The following ACOXL variants were observed in gnomAD, a reference collection of about 807,000 sequenced individuals.
ACOXL encodes acyl-coenzyme A oxidase-like protein.
Under a neutral mutation model 71.9 loss-of-function variants are expected in ACOXL, and 70 were observed. The ratio of observed to expected loss-of-function variants is 0.97; its 90% CI spans 0.80 to 1.19. The LOEUF is 1.19. Ranked by LOEUF, ACOXL falls within the 50% of genes most tolerant of loss-of-function variation. The pLI is 0.00. For missense variants in ACOXL, 703 were observed against 736.3 expected, an observed-to-expected ratio of 0.95 and a Z score of 0.52; for synonymous variants, 253 against 281.6, an observed-to-expected ratio of 0.90 and a Z score of 1.02.
At chr2:110,931,448 T>C (rs1184101212) in intron 11 of ACOXL, among the ~76,000 whole-genome samples, 1 of 152,168 alleles carries the variant, frequency 6.6e-6, no homozygotes, top group Non-Finnish European at 1.5e-5. Flanking sequence ...GTCATTGTAT[T>C]ATAGTCACAG....
chr2:110,991,063 A>ATTTAATT (rs2063151793), intron 13 of ACOXL, among the ~76,000 whole-genome samples: 1 of 152,166 alleles, frequency 6.6e-6, no homozygotes, highest in East Asian at 1.9e-4. Flanking sequence ...ATTTGAAAAT[A>ATTTAATT]ATCCGGGCTT....
chr2:110,900,072 A>AAC (rs1207320985), intron 10 of ACOXL, among the ~76,000 whole-genome samples: 24 of 123,188 alleles, frequency 1.9e-4, no homozygotes, highest in African/African-American at 5.8e-4. Context: ...AAAGCTTTTC[A>AAC]ACACACACAC....
intron 14 of ACOXL, among the ~76,000 whole-genome samples, chr2:111,017,026 A>G (rs979639211): frequency 6.6e-6 from 1 of 152,218 alleles, no homozygotes; most frequent in African/African-American, 2.4e-5. Flanking sequence ...CTCTGGTCTC[A>G]TGACTGAAGA....
intron 12 of ACOXL, among the ~76,000 whole-genome samples, chr2:110,979,025 C>T (rs1335816891): frequency 6.6e-6 from 1 of 151,988 alleles, no homozygotes; most frequent in African/African-American, 2.4e-5. Flanking sequence ...GAAATGAGGG[C>T]GATTCCGGGG....
chr2:111,004,843 G>C (rs2063798829), intron 14 of ACOXL, among the ~76,000 whole-genome samples: 1 of 152,200 alleles, frequency 6.6e-6, no homozygotes, highest in African/African-American at 2.4e-5. Context: ...AGAGAACGGA[G>C]AGTGATAGCA....
At chr2:110,879,372 G>A (rs1008841554) in intron 10 of ACOXL, among the ~76,000 whole-genome samples, 8 of 152,110 alleles carry the variant, frequency 5.3e-5, no homozygotes, top group Admixed American at 2.0e-4. Flanking sequence ...CCTTCAAACC[G>A]TTGAAGGAAA....
At chr2:110,866,846 AG>A (rs1426568329) in intron 10 of ACOXL, among the ~76,000 whole-genome samples, 16 of 152,146 alleles carry the variant, frequency 1.1e-4, no homozygotes, top group Non-Finnish European at 2.1e-4. Context: ...CCTGGATGCT[AG>A]GGAACCCACT....
intron 15 of ACOXL, among the ~76,000 whole-genome samples, chr2:111,047,908 C>G (rs911086704): frequency 5.9e-5 from 9 of 152,202 alleles, no homozygotes; most frequent in African/African-American, 2.2e-4. Context: ...CCAGATACAA[C>G]TGATAGCAGT....
intron 1 of ACOXL, among the ~76,000 whole-genome samples, chr2:110,754,031 CGTGTGT>C (rs34282367): frequency 0.012 from 1,647 of 141,220 alleles, 38 homozygotes; most frequent in African/African-American, 0.041. Flanking sequence ...CACATGCACA[CGTGTGT>C]GTGTGTGTGT....
chr2:110,851,051 A>G (rs1692540516), intron 10 of ACOXL, among the ~76,000 whole-genome samples: 2 of 152,284 alleles, frequency 1.3e-5, no homozygotes, highest in South Asian at 4.1e-4. Context: ...TTTTTGCATG[A>G]CATTCTGGAA....
intron 16 of ACOXL, among the ~76,000 whole-genome samples, chr2:111,063,938 A>T (rs1416761202): frequency 2.6e-5 from 4 of 152,218 alleles, no homozygotes; most frequent in African/African-American, 9.6e-5. Context: ...TGAACGAAAG[A>T]GAGAGAGAAA....
At chr2:110,868,219 C>T (rs999321946) in intron 10 of ACOXL, among the ~76,000 whole-genome samples, 1 of 152,224 alleles carries the variant, frequency 6.6e-6, no homozygotes, top group African/African-American at 2.4e-5. Context: ...GTGAGAACCA[C>T]ACTATGAAGC....
At chr2:110,999,586 A>G (rs1340607454) in intron 14 of ACOXL, among the ~76,000 whole-genome samples, 1 of 152,118 alleles carries the variant, frequency 6.6e-6, no homozygotes, top group African/African-American at 2.4e-5. Context: ...ATGCTGTACC[A>G]GAGTTGGTCT....
At chr2:111,031,759 G>A (rs1416825724) in intron 15 of ACOXL, 45 bp downstream of exon 15, 1 of 1,568,366 alleles carries the variant, frequency 6.4e-7, no homozygotes, top group Admixed American at 1.7e-5. Context: ...TGACTCAGGG[G>A]TCTACGGGTC....
intron 1 of ACOXL, among the ~76,000 whole-genome samples, chr2:110,762,932 T>C (rs1680588480): frequency 6.6e-6 from 1 of 152,212 alleles, no homozygotes; most frequent in Non-Finnish European, 1.5e-5. Flanking sequence ...GCTTGAATTA[T>C]AGGCATGACC....
intron 12 of ACOXL, among the ~76,000 whole-genome samples, chr2:110,980,953 G>C (rs916040195): frequency 6.6e-6 from 1 of 152,166 alleles, no homozygotes; most frequent in African/African-American, 2.4e-5. Context: ...CTGACATGCT[G>C]TCTGCTCTTG....
At chr2:110,910,760 C>A (rs1431391630) in intron 11 of ACOXL, among the ~76,000 whole-genome samples, 2 of 152,098 alleles carry the variant, frequency 1.3e-5, no homozygotes, top group Non-Finnish European at 2.9e-5. Context: ...TGTGAAAGAT[C>A]TATTTAAATC....
Position 110,858,132 on chromosome 2 carries a change from T to C in ACOXL, c.788+16727T>C, listed in dbSNP as rs913952054. Among the ~76,000 whole-genome samples the C allele has an allele frequency of 7.2e-5, 11 of 152,262 alleles. 1 individual carries two copies. In the South Asian group the frequency reaches 1.2e-3, roughly 17 times the overall value. On this transcript the variant is annotated intron_variant, in intron 10 of 17. Transcript: ENST00000439055. ...TGCCTAGTTACAGCCAAAGAAGATA[T>C]CTGTTTCGGGGACAAGAAATTAGTG...
chr2:110,912,039 T>C (rs2059669165), intron 11 of ACOXL, among the ~76,000 whole-genome samples: 2 of 151,984 alleles, frequency 1.3e-5, no homozygotes, highest in Admixed American at 1.3e-4. Flanking sequence ...AAAAATCAAT[T>C]GTATTTCTAT....
Sources: allele counts gnomAD v4.1 joint callset (sites outside exome capture counted in the v4.1 genomes callset), GRCh38; gene constraint gnomAD v4.1.1; transcripts MANE v1.5; gene names NCBI Gene and HGNC (gene_info 2026-07-23, HGNC 2026-07-21).